Variants in PTPRN observed in about 807,000 individuals in gnomAD.
PTPRN encodes the protein receptor-type tyrosine-protein phosphatase-like N.
PTPRN carries 70 observed loss-of-function variants against 108.5 expected under a neutral mutation model. The observed-to-expected ratio is 0.65, with a 90% CI of 0.53 to 0.79. PTPRN has a LOEUF of 0.79. PTPRN is among the 30% of genes least tolerant of loss of function. PTPRN has a pLI of 0.00. For missense variants in PTPRN, 1,136 were observed against 1,295.5 expected, an observed-to-expected ratio of 0.88 and a Z score of 1.89; for synonymous variants, 496 against 524.6, an observed-to-expected ratio of 0.95 and a Z score of 0.75.
In PTPRN at chr2:219,290,385, C is replaced by A; in HGVS notation, c.2869-88G>T. 1 of 1,431,324 alleles carries A rather than the reference C, an allele frequency of 7.0e-7. No individual in the cohort carries two copies. Among genetic ancestry groups the A allele is most frequent in the East Asian group, 2.4e-5 (1 of 41,258 alleles). The allele number at this position is 1,431,324 out of a possible 1,614,324, so 88.7% of individuals were successfully genotyped here. On this transcript the variant is annotated intron_variant, in intron 22 of 22. Coordinates refer to ENST00000295718, the MANE Select transcript of PTPRN (RefSeq NM_002846.4). This position sits in a 1 kb window ranked among gnomAD's most constrained non-coding sequence, Gnocchi z 4.2. ...GGGGGGCTTTTGGTGGGGGGAGGGC[C>A]CTGGGCAGGTCCCCTGGGAGGAAGG...
Position 219,290,122 on chromosome 2 carries a change from GC to G in PTPRN, c.*103del. 9.1e-7 allele frequency: 1 copy of G among 1,101,574 alleles called. No homozygotes were observed. Among genetic ancestry groups the G allele is most frequent in the Non-Finnish European group, 1.4e-6 (1 of 729,260 alleles). The allele number at this position is 1,101,574 out of a possible 1,614,324, so 68.2% of individuals were successfully genotyped here. ...GACTCTTCTAGGAAGGGCTGAGCAT[GC>G]CCAAGAGGTGGCTGGTGGGGCAGTG... On this transcript the variant is annotated 3_prime_UTR_variant, in exon 23 of 23. Coordinates refer to ENST00000295718, the MANE Select transcript of PTPRN (RefSeq NM_002846.4). The surrounding 1 kb of genome is among the most constrained non-coding windows in gnomAD (Gnocchi z 4.2).
Position 219,290,207 on chromosome 2 carries a change from G to T in PTPRN, c.*19C>A, listed in dbSNP as rs1424370532. 3.1e-6 allele frequency: 5 copies of T among 1,611,200 alleles called. No homozygotes were observed. Among genetic ancestry groups the T allele is most frequent in the Non-Finnish European group, 4.2e-6 (5 of 1,177,610 alleles). On this transcript the variant is annotated 3_prime_UTR_variant, in exon 23 of 23. Transcript: ENST00000295718. The surrounding 1 kb of genome is among the most constrained non-coding windows in gnomAD (Gnocchi z 4.2). The stretch of plus-strand genomic sequence containing the variant: ...AAGAGGGACAGAGGCTGGGCTGCCC[G>T]CCAAGGGGCCCCAGGGTCTCACTGG...
At chr2:219,306,233 A>G (rs2125098308) in intron 3 of PTPRN, among the ~76,000 whole-genome samples, 1 of 152,328 alleles carries the variant, frequency 6.6e-6, no homozygotes, top group South Asian at 2.1e-4. Flanking sequence ...CCAATATTTC[A>G]CGAAATAATG....
rs1474799797 is a variant in PTPRN, at chr2:219,290,647, G to T, written c.2795-36C>A. On this transcript the variant is annotated intron_variant, in intron 21 of 22. Coordinates refer to ENST00000295718, the MANE Select transcript of PTPRN (RefSeq NM_002846.4). This position sits in a 1 kb window ranked among gnomAD's most constrained non-coding sequence, Gnocchi z 4.2. ...AGGTGGGGATGGGGCTGCTCAGGGG[G>T]TGTCCAGAGGAGGACAGGACCCAGA... is the stretch of plus-strand genomic sequence containing the variant. 4.6e-6 allele frequency: 7 copies of T among 1,535,720 alleles called. No individual in the cohort carries two copies. Among genetic ancestry groups the T allele is most frequent in the Middle Eastern group, 1.7e-4 (1 of 5,958 alleles).
chr2:219,307,448 G>T lies in PTPRN; in HGVS notation c.276C>A (p.Ser92=), dbSNP rs756461931. The change falls in exon 3 of 23, where the codon TCC becomes TCA. Residue 92 remains serine (S), a synonymous_variant. Coordinates refer to ENST00000295718, the MANE Select transcript of PTPRN (RefSeq NM_002846.4). ...RLQGVLRQLM[S]QGLSWHDDLT... ...TCCAGTGCACCCAGACCTTACCTTG[G>T]GACATGAGTTGTCGGAGCACACCTT... The T allele has an allele frequency of 6.2e-7, 1 of 1,613,734 alleles. No individual in the cohort carries two copies. Among genetic ancestry groups the T allele is most frequent in the South Asian group, 1.1e-5 (1 of 91,020 alleles).
At chr2:219,299,169 C>G in intron 11 of PTPRN, 58 bp from the exon 12 acceptor site, 1 of 1,610,884 alleles carries the variant, frequency 6.2e-7, no homozygotes, top group Non-Finnish European at 8.5e-7. Flanking sequence ...CATCCTCTGT[C>G]TTGCTCTGCC....
rs145854568 is a variant in PTPRN at position 219,301,271 on chromosome 2, T to A, written c.1127-294A>T. Among the ~76,000 whole-genome samples, 152 of 152,346 alleles carry A rather than the reference T, an allele frequency of 1.0e-3. 1 individual carries two copies. In the East Asian group the frequency reaches 0.026, roughly 26 times the overall value. Reference sequence around the variant, plus strand: ...CCATCAATTACTGGCTTCTTCTTAGTACTGGCTATGCCCGTTTTTAGGCCC... The same window carrying A: ...CCATCAATTACTGGCTTCTTCTTAGAACTGGCTATGCCCGTTTTTAGGCCC... On this transcript the variant is annotated intron_variant, in intron 7 of 22. Coordinates refer to ENST00000295718, the MANE Select transcript of PTPRN (RefSeq NM_002846.4).
rs554384558 is a variant in PTPRN, at chr2:219,290,402, G to A, written c.2869-105C>T. 2 of 1,395,958 alleles carry A rather than the reference G, an allele frequency of 1.4e-6. No homozygotes were observed. The highest frequency in any genetic ancestry group is 1.2e-5 in the South Asian group (1 of 81,682). The allele number at this position is 1,395,958 out of a possible 1,614,324, so 86.5% of individuals were successfully genotyped here. A position where few individuals can be genotyped will look rare whatever the true frequency, so the allele number is the denominator to read the frequency against. ...GGGAGGGCCCTGGGCAGGTCCCCTG[G>A]GAGGAAGGGAGCCCTCCTGGAGGAG... On this transcript the variant is annotated intron_variant, in intron 22 of 22. Transcript: ENST00000295718. The surrounding 1 kb of genome is among the most constrained non-coding windows in gnomAD (Gnocchi z 4.2).
Position 219,299,540 on chromosome 2 carries a change from G to A in PTPRN, c.1524-156C>T, listed in dbSNP as rs1391339121. 9 of 1,118,310 alleles carry A rather than the reference G, an allele frequency of 8.0e-6. No homozygotes were observed. In the South Asian group the frequency reaches 1.1e-4, roughly 14 times the overall value. 69.3% of individuals were successfully genotyped at this position (1,118,310 alleles called of 1,614,324 possible). On this transcript the variant is annotated intron_variant, in intron 10 of 22. Transcript: ENST00000295718. ...TTAGGCAAGGAAGATGCTGGGTGGG[G>A]CCAGCAACGGGCTGGGTGTGGCTGT...
At chr2:219,309,176 T>TACCCC in intron 1 of PTPRN, 42 bp downstream of exon 1, 1 of 1,364,358 alleles carries the variant, frequency 7.3e-7, no homozygotes, top group Non-Finnish European at 9.9e-7. Context: ...CCCAAGCTGC[T>TACCCC]CCCCGCCCCC....
chr2:219,303,874 G>C (rs1368796915), intron 3 of PTPRN, 43 bp from the exon 4 acceptor site: 1 of 1,502,692 alleles, frequency 6.7e-7, no homozygotes, highest in East Asian at 2.3e-5. Context: ...AGGAGTCTGG[G>C]GATCCAGTAA....
At chr2:219,294,251 G>C (rs1952119750) in intron 19 of PTPRN, 1 of 446,500 alleles carries the variant, frequency 2.2e-6, no homozygotes. Context: ...AGAGAGGAAA[G>C]ACAGGCAGCG....
chr2:219,305,545 C>A (rs1489511343), intron 3 of PTPRN, among the ~76,000 whole-genome samples: 3 of 152,004 alleles, frequency 2.0e-5, no homozygotes, highest in African/African-American at 7.2e-5. Context: ...CTGGCCTGGT[C>A]CTTTTAATAG....
At chr2:219,294,493 A>AGACGGAGAGTGATGAAGGAGG in intron 19 of PTPRN, among the ~76,000 whole-genome samples, 1 of 143,556 alleles carries the variant, frequency 7.0e-6, no homozygotes, top group African/African-American at 2.8e-5. Flanking sequence ...AGAGGCGAAG[A>AGACGGAGAGTGATGAAGGAGG]GACGGAGAGG....
At chr2:219,298,222 G>T (rs1357279822) in intron 12 of PTPRN, 119 bp from the exon 13 acceptor site, 8 of 971,226 alleles carry the variant, frequency 8.2e-6, no homozygotes, top group Admixed American at 2.1e-5. Flanking sequence ...AAAGCTGGGA[G>T]ATTAGGGGTA....
Position 219,298,047 on chromosome 2 carries a change from G to A in PTPRN, c.1725C>T (p.Arg575=), listed in dbSNP as rs1952245570. The A allele has an allele frequency of 1.2e-6, 2 of 1,613,974 alleles. No individual in the cohort carries two copies. Among genetic ancestry groups the A allele is most frequent in the African/African-American group, 2.7e-5 (2 of 74,956 alleles). The change falls in exon 13 of 23, where the codon CGC becomes CGT. Residue 575 remains arginine (R), a synonymous_variant. Transcript: ENST00000295718. ...GGGCCACCAGAGTGAGCAGCACTGA[G>A]CGCATGGGTGAGGTGCTGTGCGCAG... ...PQTAHSTSPM[R]SVLLTLVALA... is the part of the protein sequence containing the mutation.
Position 219,300,927 on chromosome 2 carries a change from GGTGC to G in PTPRN, c.1161+12_1161+15del. The G allele has an allele frequency of 6.2e-7, 1 of 1,613,618 alleles. No homozygotes were observed. Among genetic ancestry groups the G allele is most frequent in the Non-Finnish European group, 8.5e-7 (1 of 1,179,514 alleles). ...CCATGGGGTGATTATGAGTCAAGGAGGTGCTGGGGACTCACTTTCTTGATATCAG... is the reference window on the plus strand; with the variant it reads ...CCATGGGGTGATTATGAGTCAAGGAGTGGGGACTCACTTTCTTGATATCAG... On this transcript the variant is annotated intron_variant, in intron 8 of 22. Coordinates refer to ENST00000295718, the MANE Select transcript of PTPRN (RefSeq NM_002846.4).
chr2:219,294,944 G>A (rs1473335158), intron 19 of PTPRN, 31 bp downstream of exon 19: 29 of 1,483,498 alleles, frequency 2.0e-5, no homozygotes, highest in Non-Finnish European at 2.4e-5. Context: ...CCGCCCATGC[G>A]GTCCCTCCAG....
intron 19 of PTPRN, 135 bp from the exon 20 acceptor site, chr2:219,291,658 A>T: frequency 1.1e-6 from 1 of 934,098 alleles, no homozygotes; most frequent in Non-Finnish European, 1.6e-6. Context: ...ATGGTTGGAG[A>T]AAGGAGCCAG....
Sources: gnomAD v4.1 joint callset for allele counts (sites outside exome capture counted in the v4.1 genomes callset) on GRCh38, gnomAD v4.1.1 for gene constraint, Gnocchi (gnomAD v3.1) non-coding constraint, MANE v1.5 for transcripts, NCBI Gene and HGNC (gene_info 2026-07-23, HGNC 2026-07-21) for gene names.